Variants in EBF4 observed in about 807,000 individuals in gnomAD.
EBF4 encodes the protein EBF transcription factor 4.
In EBF4, 34 loss-of-function variants were observed where a neutral mutation model predicts 67.1. The ratio of observed to expected loss-of-function variants is 0.51; its 90% CI spans 0.39 to 0.67. The LOEUF (loss-of-function observed/expected upper bound fraction) is 0.67. EBF4 is among the 30% of genes least tolerant of loss of function. The pLI is 0.00. For missense variants in EBF4, 837 were observed against 873.3 expected (o/e 0.96, Z 0.52); for synonymous variants, 387 against 377.7 (o/e 1.02, Z -0.29).
intron 6 of EBF4, among the ~76,000 whole-genome samples, chr20:2,728,082 G>A (rs1398856348): frequency 6.6e-6 from 1 of 152,156 alleles, no homozygotes; most frequent in African/African-American, 2.4e-5. Flanking sequence ...TGGAGGAAAT[G>A]GAATATTTAT....
chr20:2,741,081 C>G (rs560315712), intron 6 of EBF4, among the ~76,000 whole-genome samples: 21 of 152,220 alleles, frequency 1.4e-4, no homozygotes, highest in Non-Finnish European at 1.6e-4. Flanking sequence ...GAGGCTGAAT[C>G]AGAAGGATCG....
rs571994025 is a variant in EBF4, at chr20:2,693,924, C to G, written c.137+142C>G. On this transcript the variant is annotated intron_variant, in intron 1 of 16. Transcript: ENST00000609451. The surrounding 1 kb of genome is among the most constrained non-coding windows in gnomAD (Gnocchi z 4.6). ...CGGCGAGCTCCCCGGCCCACCCCGT[C>G]CGGAGTGCCTGTGCTGCCTCCTGAG... is the stretch of plus-strand genomic sequence containing the variant. 617 of 1,131,672 alleles carry G rather than the reference C, an allele frequency of 5.5e-4. 7 individuals carry two copies. In the South Asian group the frequency reaches 0.015, roughly 27 times the overall value. 70.1% of individuals were successfully genotyped at this position (1,131,672 alleles called of 1,614,324 possible). A position where few individuals can be genotyped will look rare whatever the true frequency, so the allele number is the denominator to read the frequency against.
At chr20:2,713,411 G>A (rs560148540) in intron 6 of EBF4, among the ~76,000 whole-genome samples, 1 of 152,278 alleles carries the variant, frequency 6.6e-6, no homozygotes, top group South Asian at 2.1e-4. Flanking sequence ...AAGGTCAACA[G>A]TGGAAGATAA....
chr20:2,699,351 G>T (rs2087342132), intron 1 of EBF4, among the ~76,000 whole-genome samples: 1 of 152,204 alleles, frequency 6.6e-6, no homozygotes. Flanking sequence ...TCACTACAAA[G>T]CATGTTGACT....
rs57405059 is a variant in EBF4 at position 2,747,317 on chromosome 20, CA to C, written c.558-1219del. On this transcript the variant is annotated intron_variant, in intron 6 of 16. Coordinates refer to ENST00000609451, the Ensembl canonical transcript of EBF4. This position sits in a 1 kb window ranked among gnomAD's most constrained non-coding sequence, Gnocchi z 4.6. ...GTCTCAAAACAAAAAACAAAACAAA[CA>C]AAAAAAAAAAAACAGGAAAAAAAAG... 9.2e-3 allele frequency among the ~76,000 whole-genome samples: 1,170 copies of C among 127,318 alleles called. 23 individuals carry two copies. The highest frequency in any genetic ancestry group is 0.026 in the African/African-American group (920 of 34,776). The allele number at this position is 127,318 out of a possible 152,430, so 83.5% of individuals were successfully genotyped here.
At chr20:2,752,443 G>A in exon 14 of EBF4, 2 of 1,289,250 alleles carry the variant, frequency 1.6e-6, no homozygotes, top group South Asian at 2.5e-5. Context: ...CGGCGGCCTC[G>A]GAGCTGGCCT....
intron 14 of EBF4, among the ~76,000 whole-genome samples, chr20:2,753,808 C>T (rs533447516): frequency 2.0e-5 from 3 of 152,326 alleles, no homozygotes; most frequent in Non-Finnish European, 2.9e-5. Context: ...TTCTGGGACC[C>T]AAGGCCCCAT....
At chr20:2,713,507 A>C (rs1486960748) in intron 6 of EBF4, among the ~76,000 whole-genome samples, 1 of 152,182 alleles carries the variant, frequency 6.6e-6, no homozygotes, top group Non-Finnish European at 1.5e-5. Context: ...GTGATTGACA[A>C]GCGGCACTGA....
At chr20:2,720,424 A>T (rs8117087) in intron 6 of EBF4, among the ~76,000 whole-genome samples, 3 of 151,044 alleles carry the variant, frequency 2.0e-5, no homozygotes, top group African/African-American at 7.3e-5. Flanking sequence ...CTTTTTCTTC[A>T]TTTTTTTTCC....
At chr20:2,743,336 G>GC (rs1007101697) in intron 6 of EBF4, among the ~76,000 whole-genome samples, 2 of 152,198 alleles carry the variant, frequency 1.3e-5, no homozygotes, top group Non-Finnish European at 2.9e-5. Context: ...CCAGGGGAGA[G>GC]CCCGGGCACT....
intron 6 of EBF4, among the ~76,000 whole-genome samples, chr20:2,721,953 T>G (rs2087687111): frequency 6.6e-6 from 1 of 152,238 alleles, no homozygotes; most frequent in South Asian, 2.1e-4. Flanking sequence ...GAACTTTTTC[T>G]TGTTGGGTAG....
In EBF4 at chr20:2,751,643, C is replaced by A; in HGVS notation, c.1019-57C>A. Reference sequence around the variant, plus strand: ...CCTGCTTTTGGCGCCCTGCGTCTCACCCTGGGAGTGGGGGGCTGCGGGGGA... The same window carrying A: ...CCTGCTTTTGGCGCCCTGCGTCTCAACCTGGGAGTGGGGGGCTGCGGGGGA... On this transcript the variant is annotated intron_variant, in intron 10 of 16. Transcript: ENST00000609451. This position sits in a 1 kb window ranked among gnomAD's most constrained non-coding sequence, Gnocchi z 5.2. 1 of 1,530,026 alleles carries A rather than the reference C, an allele frequency of 6.5e-7. No individual in the cohort carries two copies. The highest frequency in any genetic ancestry group is 2.5e-5 in the East Asian group (1 of 40,802). 94.8% of individuals were successfully genotyped at this position (1,530,026 alleles called of 1,614,324 possible).
At chr20:2,721,097 G>A (rs2087673545) in intron 6 of EBF4, among the ~76,000 whole-genome samples, 1 of 151,888 alleles carries the variant, frequency 6.6e-6, no homozygotes, top group Admixed American at 6.6e-5. Context: ...TGATCTTTTT[G>A]TTTCTGGGAG....
chr20:2,697,451 A>G (rs556226553), intron 1 of EBF4, among the ~76,000 whole-genome samples: 3 of 151,958 alleles, frequency 2.0e-5, no homozygotes, highest in South Asian at 2.1e-4. Context: ...AGGCTGAGGC[A>G]GGAGAATGGC....
In EBF4 at chr20:2,755,925, T is replaced by G; in HGVS notation, c.1738+101T>G. The G allele has an allele frequency of 1.7e-6, 2 of 1,191,760 alleles. No homozygotes were observed. The highest frequency in any genetic ancestry group is 2.3e-6 in the Non-Finnish European group (2 of 866,204). The allele number at this position is 1,191,760 out of a possible 1,614,324, so 73.8% of individuals were successfully genotyped here. ...CTGTCCACATCTCACCAGTGCCTCA[T>G]GCTGGCTAACCTGCTCTTCTTGGAG... is the stretch of plus-strand genomic sequence containing the variant. On this transcript the variant is annotated intron_variant, in intron 15 of 16. Transcript: ENST00000609451. This position sits in a 1 kb window ranked among gnomAD's most constrained non-coding sequence, Gnocchi z 4.7.
At chr20:2,694,988 T>G (rs2087267181) in intron 1 of EBF4, among the ~76,000 whole-genome samples, 2 of 152,138 alleles carry the variant, frequency 1.3e-5, no homozygotes, top group Admixed American at 6.5e-5. Flanking sequence ...AATAAAAAAT[T>G]TAGTCCCTCC....
At position 2,707,512 on chromosome 20, in the gene EBF4, T is replaced by C. The variant is rs978587528; in HGVS notation, c.415-435T>C. The stretch of plus-strand genomic sequence containing the variant: ...AGCTGACTGGGCTGGCAGGGATAGC[T>C]GAGAAGGACAACACTCATCAACAGA... On this transcript the variant is annotated intron_variant, in intron 4 of 16. Transcript: ENST00000609451. This position sits in a 1 kb window ranked among gnomAD's most constrained non-coding sequence, Gnocchi z 4.6. Among the ~76,000 whole-genome samples, 1 of 150,736 alleles carries C rather than the reference T, an allele frequency of 6.6e-6. No individual in the cohort carries two copies. The highest frequency in any genetic ancestry group is 2.5e-5 in the African/African-American group (1 of 40,798).
chr20:2,760,064 T>C (rs1293202303), downstream of EBF4: 1 of 152,264 alleles, frequency 6.6e-6, no homozygotes, highest in Non-Finnish European at 1.5e-5. This position sits in a 1 kb window ranked among gnomAD's most constrained non-coding sequence, Gnocchi z 4.2. Context: ...ATAAACCAGA[T>C]GCAGGTGGTG....
Position 2,747,244 on chromosome 20 carries a change from G to A in EBF4, c.558-1305G>A, listed in dbSNP as rs1437996992. Among the ~76,000 whole-genome samples the A allele has an allele frequency of 6.6e-6, 1 of 151,684 alleles. No individual in the cohort carries two copies. The highest frequency in any genetic ancestry group is 1.5e-5 in the Non-Finnish European group (1 of 67,948). On this transcript the variant is annotated intron_variant, in intron 6 of 16. Transcript: ENST00000609451. This position sits in a 1 kb window ranked among gnomAD's most constrained non-coding sequence, Gnocchi z 4.6. ...GGACAATTGCTTGAACCCAGGAGGT[G>A]GAGGTTGCAGTGAGACATGGCGAGC...
Sources: allele counts gnomAD v4.1 joint callset (sites outside exome capture counted in the v4.1 genomes callset), GRCh38; gene constraint gnomAD v4.1.1; non-coding constraint Gnocchi (gnomAD v3.1); transcripts MANE v1.5; gene names NCBI Gene and HGNC (gene_info 2026-07-23, HGNC 2026-07-21).